UBA6: variants seen among roughly 807,000 people sequenced by gnomAD.
The protein encoded by UBA6 is ubiquitin like modifier activating enzyme 6.
In UBA6, 87 loss-of-function variants were observed where a neutral mutation model predicts 148.3. The ratio of observed to expected loss-of-function variants is 0.59; its 90% CI spans 0.49 to 0.70. The LOEUF is 0.70. Ranked by LOEUF, UBA6 falls within the 30% of genes least tolerant of loss-of-function variation. The pLI, the probability that UBA6 is intolerant of heterozygous loss-of-function variation, is 0.00. For missense variants in UBA6, 1,186 were observed against 1,241.2 expected (o/e 0.96, Z 0.67); for synonymous variants, 376 against 401.0 (o/e 0.94, Z 0.75).
At chr4:67,655,283 A>T (rs1729658736) in intron 13 of UBA6, among the ~76,000 whole-genome samples, 1 of 152,166 alleles carries the variant, frequency 6.6e-6, no homozygotes, top group Non-Finnish European at 1.5e-5. Flanking sequence ...TGACCACATA[A>T]TTGGAAGTAA....
chr4:67,645,982 C>T lies in UBA6; in HGVS notation c.1351G>A (p.Gly451Arg). Residue 451 changes from glycine (G) to arginine (R), a missense_variant, in exon 16 of 33, where the codon GGA becomes AGA. Transcript: ENST00000322244. ...DRYDALRACI[G>R]DTLCQKLQNL... ...TGCAGTTTCTGACACAAAGTGTCTC[C>T]AATGCAAGCTCTTAAGGCATCATAT... 1 of 1,595,702 alleles carries T rather than the reference C, an allele frequency of 6.3e-7. No homozygotes were observed. Among genetic ancestry groups the T allele is most frequent in the Non-Finnish European group, 8.5e-7 (1 of 1,169,804 alleles).
chr4:67,631,621 G>A, intron 25 of UBA6, 87 bp downstream of exon 25: 1 of 999,470 alleles, frequency 1.0e-6, no homozygotes, highest in Non-Finnish European at 1.5e-6. Flanking sequence ...AAGAGCCTAA[G>A]GTTTTCACTC....
At chr4:67,698,200 C>T (rs1730885696) in intron 1 of UBA6, among the ~76,000 whole-genome samples, 1 of 152,180 alleles carries the variant, frequency 6.6e-6, no homozygotes, top group Admixed American at 6.5e-5. Flanking sequence ...TACCACACAC[C>T]TCATTCCTGA....
intron 32 of UBA6, among the ~76,000 whole-genome samples, chr4:67,620,079 G>A (rs944448767): frequency 1.3e-5 from 2 of 151,928 alleles, no homozygotes; most frequent in South Asian, 2.1e-4. Context: ...ATTTTGTCCC[G>A]TACATAAACT....
At chr4:67,633,926 T>C (rs1241224643) in intron 22 of UBA6, among the ~76,000 whole-genome samples, 4 of 152,070 alleles carry the variant, frequency 2.6e-5, no homozygotes, top group African/African-American at 9.7e-5. Flanking sequence ...ACCTCAATTT[T>C]TTCTTTCCAA....
At chr4:67,677,760 C>A in intron 5 of UBA6, 38 bp from the exon 6 acceptor site, 2 of 1,082,584 alleles carry the variant, frequency 1.8e-6, no homozygotes, top group Middle Eastern at 2.4e-4. Context: ...TTCTTTAATT[C>A]AATATACTCA....
At chr4:67,637,530 T>C (rs1415730223) in intron 19 of UBA6, among the ~76,000 whole-genome samples, 1 of 152,130 alleles carries the variant, frequency 6.6e-6, no homozygotes, top group Non-Finnish European at 1.5e-5. Context: ...GAAATCAGAT[T>C]GTTGCTGTGT....
chr4:67,678,321 T>A (rs1485953121), intron 5 of UBA6, 118 bp downstream of exon 5: 1 of 515,854 alleles, frequency 1.9e-6, no homozygotes, highest in African/African-American at 2.0e-5. Flanking sequence ...TCTTTACCTG[T>A]ATAAAGTAGA....
At position 67,684,973 on chromosome 4, in the gene UBA6, G is replaced by A. The variant is rs559412649; in HGVS notation, c.135-2760C>T. ...AAGCACCTAGAATTAAGTAAGTAGT[G>A]GAGGTTAAGAGTCAATCCAGGCAGT... On this transcript the variant is annotated intron_variant, in intron 2 of 32. Transcript: ENST00000322244. Among the ~76,000 whole-genome samples, 259 of 152,230 alleles carry A rather than the reference G, an allele frequency of 1.7e-3. 1 individual carries two copies. The highest frequency in any genetic ancestry group is 6.8e-3 in the Middle Eastern group (2 of 294).
chr4:67,652,755 G>T (rs1729583800), intron 13 of UBA6, among the ~76,000 whole-genome samples: 4 of 152,242 alleles, frequency 2.6e-5, no homozygotes, highest in African/African-American at 9.6e-5. Flanking sequence ...GGGGTCAGGG[G>T]ATTTCCCTTT....
At chr4:67,656,148 A>G (rs1729685970) in intron 13 of UBA6, among the ~76,000 whole-genome samples, 1 of 152,242 alleles carries the variant, frequency 6.6e-6, no homozygotes, top group Admixed American at 6.5e-5. Flanking sequence ...AAAGTATTCC[A>G]ATGAACAGAA....
At chr4:67,631,808 T>C (rs375147508) in intron 24 of UBA6, 37 bp from the exon 25 acceptor site, 6 of 1,609,964 alleles carry the variant, frequency 3.7e-6, no homozygotes, top group Non-Finnish European at 4.2e-6. Context: ...TCAATGTATG[T>C]AGCCAGTAAT....
chr4:67,698,244 T>G (rs1412891312), intron 1 of UBA6, among the ~76,000 whole-genome samples: 1 of 152,208 alleles, frequency 6.6e-6, no homozygotes, highest in Non-Finnish European at 1.5e-5. Flanking sequence ...CTCTTATCCT[T>G]AGGTTGCTGC....
intron 8 of UBA6, among the ~76,000 whole-genome samples, chr4:67,669,280 G>A (rs1730083664): frequency 6.6e-6 from 1 of 152,112 alleles, no homozygotes; most frequent in South Asian, 2.1e-4. Flanking sequence ...AAAAGGTTAA[G>A]TCTTAATATG....
chr4:67,695,726 A>G (rs565625949), intron 2 of UBA6, among the ~76,000 whole-genome samples: 2 of 152,272 alleles, frequency 1.3e-5, no homozygotes, highest in South Asian at 4.1e-4. Context: ...CTTCTAAACC[A>G]TATTTTATAA....
At chr4:67,626,571 T>C (rs1322811500) in intron 27 of UBA6, 94 bp from the exon 28 acceptor site, 6 of 756,146 alleles carry the variant, frequency 7.9e-6, no homozygotes, top group Non-Finnish European at 1.3e-5. Context: ...AAAGAGAAAA[T>C]ATTTTCTCTA....
At chr4:67,640,448 A>G (rs902725527) in intron 18 of UBA6, among the ~76,000 whole-genome samples, 21 of 152,236 alleles carry the variant, frequency 1.4e-4, no homozygotes, top group Non-Finnish European at 2.4e-4. Flanking sequence ...TGAACAATAA[A>G]GAAAAAACTT....
chr4:67,679,347 T>C (rs1240966205), intron 4 of UBA6, among the ~76,000 whole-genome samples: 1 of 152,090 alleles, frequency 6.6e-6, no homozygotes, highest in African/African-American at 2.4e-5. Context: ...TACCTGAAAA[T>C]ACTTTGTTTA....
Position 67,619,187 on chromosome 4 carries a change from T to A in UBA6, c.3024-55A>T, listed in dbSNP as rs1178996370. On this transcript the variant is annotated intron_variant, in intron 32 of 32. Coordinates refer to ENST00000322244, the MANE Select transcript of UBA6 (RefSeq NM_018227.6). ...TGGTAAATTCTATAAAATGAAAAAA[T>A]GATTTGCTGACTAATGCCATCCAGA... 33 of 1,408,242 alleles carry A rather than the reference T, an allele frequency of 2.3e-5. No individual in the cohort carries two copies. The East Asian group carries it at 7.5e-4, about 32-fold the overall frequency. The allele number at this position is 1,408,242 out of a possible 1,614,324, so 87.2% of individuals were successfully genotyped here.
Sources: gnomAD v4.1 joint callset for allele counts (sites outside exome capture counted in the v4.1 genomes callset) on GRCh38, gnomAD v4.1.1 for gene constraint, MANE v1.5 for transcripts, NCBI Gene and HGNC (gene_info 2026-07-23, HGNC 2026-07-21) for gene names.